ADCY5: variants seen among roughly 807,000 people sequenced by gnomAD.
ADCY5 encodes adenylate cyclase type 5.
In ADCY5, 30 loss-of-function variants were observed where a neutral mutation model predicts 119.7. The observed-to-expected ratio is 0.25, with a 90% CI of 0.19 to 0.34. ADCY5 has a LOEUF of 0.34. ADCY5 is among the 10% of genes least tolerant of loss of function. The pLI, the probability that ADCY5 is intolerant of heterozygous loss-of-function variation, is 1.00. For missense variants in ADCY5, 1,324 were observed against 1,775.2 expected (o/e 0.75, Z 4.57); for synonymous variants, 753 against 762.2 (o/e 0.99, Z 0.20).
intron 3 of ADCY5, among the ~76,000 whole-genome samples, chr3:123,337,452 G>A (rs1324145460): frequency 3.3e-5 from 5 of 152,174 alleles, no homozygotes; most frequent in South Asian, 2.1e-4. Context: ...TTATTGTCTC[G>A]TGGTTCTGGA....
In ADCY5 at chr3:123,355,777, C is replaced by T. The variant is rs566213063; in HGVS notation, c.1135-3196G>A. Among the ~76,000 whole-genome samples the T allele has an allele frequency of 5.9e-5, 9 of 152,148 alleles. 1 individual carries two copies. The highest frequency in any genetic ancestry group is 4.1e-4 in the South Asian group (2 of 4,830). ...ATATACCATGTACAGAAAAACACCACGTTCTGATGTCAATTTTCCCCAAAT... is the reference window on the plus strand; with the variant it reads ...ATATACCATGTACAGAAAAACACCATGTTCTGATGTCAATTTTCCCCAAAT... On this transcript the variant is annotated intron_variant, in intron 1 of 20. Transcript: ENST00000462833.
intron 1 of ADCY5, among the ~76,000 whole-genome samples, chr3:123,375,350 A>G (rs1943788582): frequency 6.6e-6 from 1 of 152,216 alleles, no homozygotes. Context: ...GATAAACCAG[A>G]CGCTAAGTTT....
intron 1 of ADCY5, among the ~76,000 whole-genome samples, chr3:123,367,141 C>A (rs1943470315): frequency 6.6e-6 from 1 of 152,204 alleles, no homozygotes; most frequent in South Asian, 2.1e-4. Context: ...CATGGGGAAT[C>A]CCAGAGGAAG....
At chr3:123,359,960 A>G in intron 1 of ADCY5, among the ~76,000 whole-genome samples, 1 of 152,338 alleles carries the variant, frequency 6.6e-6, no homozygotes, top group South Asian at 2.1e-4. Context: ...AAGATATAAT[A>G]TAAAATAATT....
Position 123,297,366 on chromosome 3 carries a change from C to G in ADCY5, c.2917G>C (p.Gly973Arg), listed in dbSNP as rs749564195. The G allele has an allele frequency of 1.2e-6, 2 of 1,613,996 alleles. No individual in the cohort carries two copies. The highest frequency in any genetic ancestry group is 1.7e-6 in the Non-Finnish European group (2 of 1,180,008). ...GCATCAACTCACCACTGGGAGGTCCCGTTGTTGAAGAAGTCTCTGTGAAGA... is the reference window on the plus strand; with the variant it reads ...GCATCAACTCACCACTGGGAGGTCCGGTTGTTGAAGAAGTCTCTGTGAAGA... ...TANAIDFFNN[G>R]TSQCPEHATK... is the part of the protein sequence containing the mutation. Residue 973 changes from glycine to arginine, a missense_variant, in exon 16 of 21, where the codon GGG becomes CGG. Physicochemically the swap from Gly to Arg is moderately radical, Grantham distance 125 (BLOSUM62 -2). Around this residue, in one of 6 missense-constraint regions of ADCY5, gnomAD observed 424 missense variants for 546.8 expected, o/e 0.78. Transcript: ENST00000462833.
At chr3:123,298,605 C>T (rs1415389503) in intron 15 of ADCY5, among the ~76,000 whole-genome samples, 3 of 152,160 alleles carry the variant, frequency 2.0e-5, no homozygotes, top group East Asian at 1.9e-4. Flanking sequence ...ATTACACCTC[C>T]ACTTTCTCAG....
At chr3:123,421,416 T>C (rs1945299940) in intron 1 of ADCY5, among the ~76,000 whole-genome samples, 1 of 152,230 alleles carries the variant, frequency 6.6e-6, no homozygotes, top group Admixed American at 6.5e-5. Flanking sequence ...CTTTAGCCAC[T>C]ACAGTACAAT....
chr3:123,333,617 G>A (rs548068933), intron 3 of ADCY5, among the ~76,000 whole-genome samples: 40 of 152,380 alleles, frequency 2.6e-4, no homozygotes, highest in African/African-American at 8.9e-4. Flanking sequence ...GGGGAGGGGC[G>A]TGAGGCCTGG....
At chr3:123,295,125 C>T (rs1043617745) in intron 17 of ADCY5, among the ~76,000 whole-genome samples, 2 of 152,218 alleles carry the variant, frequency 1.3e-5, no homozygotes, top group African/African-American at 4.8e-5. Context: ...ATGCAAAATA[C>T]TCAGCAGAAG....
intron 11 of ADCY5, among the ~76,000 whole-genome samples, chr3:123,316,682 T>A (rs2108327856): frequency 6.6e-6 from 1 of 152,314 alleles, no homozygotes; most frequent in South Asian, 2.1e-4. Flanking sequence ...AGACCCTGGC[T>A]ACAAATAAAC....
At chr3:123,365,931 C>T (rs1943421489) in intron 1 of ADCY5, among the ~76,000 whole-genome samples, 1 of 152,126 alleles carries the variant, frequency 6.6e-6, no homozygotes, top group African/African-American at 2.4e-5. Context: ...CAGCACCGTA[C>T]TTCCCTGCAG....
At chr3:123,358,098 G>A (rs1357381816) in intron 1 of ADCY5, among the ~76,000 whole-genome samples, 1 of 151,952 alleles carries the variant, frequency 6.6e-6, no homozygotes, top group East Asian at 1.9e-4. Context: ...GCCTAATTAA[G>A]GGTTTATTGG....
intron 1 of ADCY5, among the ~76,000 whole-genome samples, chr3:123,383,106 C>T (rs116609644): frequency 0.025 from 3,840 of 152,090 alleles, 147 homozygotes; most frequent in African/African-American, 0.087. Context: ...CTGACCACCA[C>T]GCACAACCAA....
Position 123,363,108 on chromosome 3 carries a change from A to T in ADCY5, c.1135-10527T>A, listed in dbSNP as rs148569509. 9.4e-3 allele frequency among the ~76,000 whole-genome samples: 1,364 copies of T among 145,834 alleles called. 27 individuals are homozygous for T. Among genetic ancestry groups the T allele is most frequent in the African/African-American group, 0.033 (1,276 of 38,846 alleles). On this transcript the variant is annotated intron_variant, in intron 1 of 20. Coordinates refer to ENST00000462833, the MANE Select transcript of ADCY5 (RefSeq NM_183357.3). ...CAGTGAGCCGAGATCACATCATTGCACTCCAGCCCAGGCAACAGAGCAAGA... is the reference window on the plus strand; with the variant it reads ...CAGTGAGCCGAGATCACATCATTGCTCTCCAGCCCAGGCAACAGAGCAAGA...
intron 1 of ADCY5, among the ~76,000 whole-genome samples, chr3:123,359,984 T>C (rs569743039): frequency 7.4e-4 from 113 of 151,788 alleles, no homozygotes; most frequent in Non-Finnish European, 1.2e-3. Flanking sequence ...GGAAGAATAA[T>C]CTTAAATTAT....
chr3:123,402,358 C>T (rs1274656854), intron 1 of ADCY5, among the ~76,000 whole-genome samples: 6 of 152,222 alleles, frequency 3.9e-5, no homozygotes, highest in African/African-American at 1.4e-4. Context: ...GAGCATGGCT[C>T]CAACCCAGAG....
chr3:123,396,243 AAAAG>A (rs1231550717), intron 1 of ADCY5, among the ~76,000 whole-genome samples: 180 of 134,184 alleles, frequency 1.3e-3, no homozygotes, highest in Admixed American at 6.3e-3. Flanking sequence ...AAGAAAGAGA[AAAAG>A]AGAGAGGGAG....
chr3:123,344,279 A>C (rs1335772704), intron 3 of ADCY5, among the ~76,000 whole-genome samples: 1 of 151,044 alleles, frequency 6.6e-6, no homozygotes, highest in African/African-American at 2.4e-5. Context: ...AAATACTACA[A>C]CTCTGCAGAG....
At chr3:123,365,491 A>T (rs1431533506) in intron 1 of ADCY5, among the ~76,000 whole-genome samples, 1 of 152,178 alleles carries the variant, frequency 6.6e-6, no homozygotes, top group East Asian at 1.9e-4. Context: ...ATGAAGGGAA[A>T]GCAGAGTGGC....
Sources: allele counts gnomAD v4.1 joint callset (sites outside exome capture counted in the v4.1 genomes callset), GRCh38; gene constraint gnomAD v4.1.1; regional missense constraint gnomAD v4.1.1; transcripts MANE v1.5; gene names NCBI Gene and HGNC (gene_info 2026-07-23, HGNC 2026-07-21).